TLR2: variants seen among roughly 807,000 people sequenced by gnomAD.
TLR2 encodes the protein toll like receptor 2.
In TLR2, 7 loss-of-function variants were observed where a neutral mutation model predicts 9.1. That is an observed-to-expected ratio of 0.77 (90% confidence interval 0.44 to 1.44). TLR2 has a LOEUF of 1.44. Among genes scored for constraint, TLR2 ranks in the 40% most tolerant of loss-of-function variants. TLR2 has a pLI of 0.01. For synonymous variants in TLR2, 317 were observed against 344.6 expected (o/e 0.92, Z 0.89); for missense variants, 812 against 904.6 (o/e 0.90, Z 1.31).
At chr4:153,691,025 T>G (rs571445775) in intron 2 of TLR2, among the ~76,000 whole-genome samples, 37 of 152,218 alleles carry the variant, frequency 2.4e-4, no homozygotes, top group Non-Finnish European at 4.0e-4. Flanking sequence ...AGAAATCACA[T>G]TAATAGGCAT....
rs141159513 is a variant in TLR2 at position 153,699,402 on chromosome 4, C to T, written c.-16-3490C>T. On this transcript the variant is annotated intron_variant, in intron 2 of 2. Transcript: ENST00000642700. ...ATAAAAAGGAACTTTCTAGCAGGTA[C>T]GAATCCCTCTAAATGGGCATCTTTT... is the stretch of plus-strand genomic sequence containing the variant. 1.5e-4 allele frequency among the ~76,000 whole-genome samples: 23 copies of T among 152,280 alleles called. No individual in the cohort carries two copies. The East Asian group carries it at 3.7e-3, about 24-fold the overall frequency.
At chr4:153,691,950 G>A (rs924453556) in intron 2 of TLR2, among the ~76,000 whole-genome samples, 1 of 152,154 alleles carries the variant, frequency 6.6e-6, no homozygotes, top group African/African-American at 2.4e-5. Context: ...TATTTCTTGA[G>A]TGGGGGCAGC....
chr4:153,696,656 C>T (rs1204146567), intron 2 of TLR2, among the ~76,000 whole-genome samples: 1 of 152,162 alleles, frequency 6.6e-6, no homozygotes, highest in Non-Finnish European at 1.5e-5. Context: ...CATGAGAAGG[C>T]ACATGCTTCT....
intron 2 of TLR2, among the ~76,000 whole-genome samples, chr4:153,695,344 C>T (rs375932938): frequency 4.3e-4 from 66 of 152,096 alleles, no homozygotes; most frequent in African/African-American, 1.5e-3. Flanking sequence ...TTTTTATTGC[C>T]TGTCTTTTGG....
At chr4:153,710,041 A>G (rs1275804582), downstream of TLR2, 2 of 181,786 alleles carry the variant, frequency 1.1e-5, no homozygotes, top group Non-Finnish European at 2.3e-5. Flanking sequence ...GTTGTGTGTG[A>G]GAAGTACTTT....
At chr4:153,710,482 G>A (rs115378826), downstream of TLR2, 2,456 of 1,608,662 alleles carry the variant, frequency 1.5e-3, 4 homozygotes, top group Admixed American at 2.0e-3. Context: ...AAATGTGTGC[G>A]CTCCCAGCTA....
intron 2 of TLR2, among the ~76,000 whole-genome samples, chr4:153,689,232 G>T (rs923189142): frequency 6.6e-6 from 1 of 152,148 alleles, no homozygotes; most frequent in Non-Finnish European, 1.5e-5. Flanking sequence ...TCTTATTTAA[G>T]AGCCATTAAT....
downstream of TLR2, chr4:153,710,233 T>C (rs564615120): frequency 1.6e-6 from 1 of 631,862 alleles, no homozygotes; most frequent in East Asian, 2.9e-5. Context: ...TCTTTCCACA[T>C]GGACAAATTG....
rs145936474 is a variant in TLR2 at position 153,704,913 on chromosome 4, C to T, written c.2006C>T (p.Pro669Leu). ...MVQELENFNP[P>L]FKLCLHKRDF... ...CAGGAGCTGGAGAACTTCAATCCCC[C>T]CTTCAAGTTGTGTCTTCATAAGCGG... Residue 669 changes from proline to leucine, a missense_variant, in exon 3 of 3, where the codon CCC (proline) becomes CTC (leucine). By Grantham distance (98) the Pro-to-Leu change is moderately conservative (BLOSUM62 -3). Coordinates refer to ENST00000642700, the MANE Select transcript of TLR2 (RefSeq NM_001318789.2). 2.1e-5 allele frequency: 34 copies of T among 1,613,206 alleles called. 1 individual carries two copies. The highest frequency in any genetic ancestry group is 1.2e-4 in the African/African-American group (9 of 74,870).
chr4:153,708,591 C>T (rs975570873), downstream of TLR2, among the ~76,000 whole-genome samples: 1 of 152,152 alleles, frequency 6.6e-6, no homozygotes, highest in African/African-American at 2.4e-5. Flanking sequence ...TTCAGAGAAG[C>T]AGTCTGCCTG....
At chr4:153,693,157 C>T (rs978035678) in intron 2 of TLR2, among the ~76,000 whole-genome samples, 6 of 152,170 alleles carry the variant, frequency 3.9e-5, no homozygotes, top group Non-Finnish European at 7.3e-5. Flanking sequence ...TTGAATTTCC[C>T]CTTTGTAATC....
In TLR2 at chr4:153,704,867, T is replaced by G; in HGVS notation, c.1960T>G (p.Trp654Gly). The G allele has an allele frequency of 6.2e-7, 1 of 1,613,982 alleles. No individual in the cohort carries two copies. Among genetic ancestry groups the G allele is most frequent in the Non-Finnish European group, 8.5e-7 (1 of 1,180,004 alleles). The stretch of plus-strand genomic sequence containing the variant: ...TTCTTACAGTGAGCGGGATGCCTAC[T>G]GGGTGGAGAACCTTATGGTCCAGGA... The part of the protein sequence containing the change: ...FVSYSERDAY[W>G]VENLMVQELE... The change falls in exon 3 of 3, where the codon TGG becomes GGG. Residue 654 changes from tryptophan (W) to glycine (G), a missense_variant. Transcript: ENST00000642700.
At position 153,703,666 on chromosome 4, in the gene TLR2, G is replaced by C; in HGVS notation, c.759G>C (p.Lys253Asn). The change falls in exon 3 of 3, where the codon AAG becomes AAC. Residue 253 changes from lysine to asparagine, a missense_variant. Coordinates refer to ENST00000642700, the MANE Select transcript of TLR2 (RefSeq NM_001318789.2). ...GTGAAACAAATTCATTGATTAAAAA[G>C]TTTACATTTAGAAATGTGAAAATCA... ...STGETNSLIK[K>N]FTFRNVKITD... The C allele has an allele frequency of 6.2e-7, 1 of 1,612,888 alleles. No homozygotes were observed. Among genetic ancestry groups the C allele is most frequent in the Non-Finnish European group, 8.5e-7 (1 of 1,179,680 alleles).
Position 153,703,338 on chromosome 4 carries a change from T to G in TLR2, c.431T>G (p.Leu144Arg). The change falls in exon 3 of 3, where the codon CTT (leucine) becomes CGT (arginine). Residue 144 changes from leucine (L) to arginine (R), a missense_variant. Leu to Arg is a moderately radical substitution (Grantham distance 102). Coordinates refer to ENST00000642700, the MANE Select transcript of TLR2 (RefSeq NM_001318789.2). ...NPYKTLGETSLFSHLTKLQIL... is the reference protein window; with the variant it reads ...NPYKTLGETSRFSHLTKLQIL... Reference sequence around the variant, plus strand: ...TACAAAACCCTAGGGGAAACATCTCTTTTTTCTCATCTCACAAAATTGCAA... The same window carrying G: ...TACAAAACCCTAGGGGAAACATCTCGTTTTTCTCATCTCACAAAATTGCAA... The G allele has an allele frequency of 6.2e-7, 1 of 1,613,898 alleles. No individual in the cohort carries two copies. Among genetic ancestry groups the G allele is most frequent in the South Asian group, 1.1e-5 (1 of 90,972 alleles).
chr4:153,702,080 T>C (rs1197175527), intron 2 of TLR2: 2 of 152,190 alleles, frequency 1.3e-5, no homozygotes, highest in East Asian at 1.9e-4. Flanking sequence ...AAGAATGATA[T>C]AGGGCCCAGA....
chr4:153,704,117 A>G lies in TLR2; in HGVS notation c.1210A>G (p.Lys404Glu), dbSNP rs916901730. Residue 404 changes from lysine to glutamate, a missense_variant, in exon 3 of 3, where the codon AAA becomes GAA. Physicochemically the swap from Lys to Glu is moderately conservative, Grantham distance 56. Transcript: ENST00000642700. ...GCAAAATCATTTGGCATCATTGGAA[A>G]AAACCGGAGAGACTTTGCTCACTCT... is the stretch of plus-strand genomic sequence containing the variant. ...LRQNHLASLE[K>E]TGETLLTLKN... 2 of 1,613,892 alleles carry G rather than the reference A, an allele frequency of 1.2e-6. No homozygotes were observed. The highest frequency in any genetic ancestry group is 1.1e-5 in the South Asian group (1 of 91,048).
At chr4:153,700,781 G>A (rs1283391273) in intron 2 of TLR2, among the ~76,000 whole-genome samples, 2 of 152,076 alleles carry the variant, frequency 1.3e-5, no homozygotes, top group Non-Finnish European at 2.9e-5. Flanking sequence ...TGTGTTGCTG[G>A]TATAGGGATA....
intron 2 of TLR2, among the ~76,000 whole-genome samples, chr4:153,695,138 G>A (rs555779371): frequency 1.3e-4 from 20 of 152,312 alleles, no homozygotes; most frequent in South Asian, 4.1e-4. Context: ...AAACATGGGC[G>A]TGCAGATATC....
Position 153,703,460 on chromosome 4 carries a change from G to T in TLR2, c.553G>T (p.Asp185Tyr), listed in dbSNP as rs1193188837. 6.2e-7 allele frequency: 1 copy of T among 1,613,862 alleles called. No individual in the cohort carries two copies. The highest frequency in any genetic ancestry group is 8.5e-7 in the Non-Finnish European group (1 of 1,179,966). Residue 185 changes from aspartate (D) to tyrosine (Y), a missense_variant, in exon 3 of 3, where the codon GAT (aspartate) becomes TAT (tyrosine). Transcript: ENST00000642700. ...FLEELEIDAS[D>Y]LQSYEPKSLK... ...TGAGGAACTTGAGATTGATGCTTCA[G>T]ATCTACAGAGCTATGAGCCAAAAAG...
Sources: gnomAD v4.1 joint callset for allele counts (sites outside exome capture counted in the v4.1 genomes callset) on GRCh38, gnomAD v4.1.1 for gene constraint, MANE v1.5 for transcripts, NCBI Gene and HGNC (gene_info 2026-07-23, HGNC 2026-07-21) for gene names.